The following HOOK2 variants were observed in gnomAD, a reference collection of about 807,000 sequenced individuals.
HOOK2 encodes hook microtubule tethering protein 2, also known as protein Hook homolog 2.
A neutral mutation model predicts 111.9 loss-of-function variants in HOOK2; 108 were observed. The observed-to-expected ratio is 0.96, with a 90% CI of 0.83 to 1.13. HOOK2 has a LOEUF of 1.13. Ranked by LOEUF, HOOK2 falls within the 50% of genes most tolerant of loss-of-function variation. HOOK2 has a pLI of 0.00. For missense variants in HOOK2, 978 were observed against 951.3 expected (o/e 1.03, Z -0.37); for synonymous variants, 405 against 394.3 (o/e 1.03, Z -0.32).
In HOOK2 at chr19:12,772,690, A is replaced by G; in HGVS notation, c.389-10T>C. On this transcript the variant is annotated splice_polypyrimidine_tract_variant and intron_variant, in intron 5 of 22. Coordinates refer to ENST00000397668, the MANE Select transcript of HOOK2 (RefSeq NM_013312.3). ...ATTCTCTGGATGTGGTCTGGGGATC[A>G]AGGTGGGGGAGGCTGAGACCCAGGG... is the stretch of plus-strand genomic sequence containing the variant. 1.2e-6 allele frequency: 2 copies of G among 1,614,174 alleles called. No individual in the cohort carries two copies. Among genetic ancestry groups the G allele is most frequent in the Non-Finnish European group, 1.7e-6 (2 of 1,179,980 alleles).
At chr19:12,775,329 T>C in intron 1 of HOOK2, 76 bp downstream of exon 1, 2 of 1,566,578 alleles carry the variant, frequency 1.3e-6, no homozygotes, top group Non-Finnish European at 1.7e-6. Flanking sequence ...ACCAAGAGAC[T>C]GACCGAACCA....
At chr19:12,778,421 GGGTGGAGAGGAT>G (rs1968564861), upstream of HOOK2, 1 of 152,274 alleles carries the variant, frequency 6.6e-6, no homozygotes, top group Non-Finnish European at 1.5e-5. Flanking sequence ...CCCTGGGAGC[GGGTGGAGAGGAT>G]AGTGGGGGAA....
In HOOK2 at chr19:12,768,030, C is replaced by G. The variant is rs1369269105; in HGVS notation, c.1198G>C (p.Val400Leu). The G allele has an allele frequency of 1.9e-6, 3 of 1,614,092 alleles. No individual in the cohort carries two copies. In the African/African-American group the frequency reaches 4.0e-5, roughly 22 times the overall value. ...AGCCTCACCTCCTTCTCCTTTGTCA[C>G]CGACTCATACTTTTCCTCCAGGTTG... ...CRNLEEKYES[V>L]TKEKERLLAE... The change falls in exon 12 of 23, where the codon GTG becomes CTG. Residue 400 changes from valine to leucine, a missense_variant. This residue lies in a region of HOOK2 where 388 missense variants were observed against 358.3 expected (regional missense o/e 1.08). Coordinates refer to ENST00000397668, the MANE Select transcript of HOOK2 (RefSeq NM_013312.3).
chr19:12,774,112 T>G (rs2145771695), intron 3 of HOOK2: 2 of 155,384 alleles, frequency 1.3e-5, no homozygotes, highest in Admixed American at 6.3e-5. Flanking sequence ...TTTTCTTTTT[T>G]TCTTCTTCTT....
chr19:12,768,587 C>G (rs909442969), intron 11 of HOOK2, among the ~76,000 whole-genome samples: 2 of 152,164 alleles, frequency 1.3e-5, no homozygotes, highest in African/African-American at 4.8e-5. Flanking sequence ...GGCTGTGATG[C>G]TCAGTAGGTA....
At chr19:12,780,994 A>C (rs1404072391), upstream of HOOK2, among the ~76,000 whole-genome samples, 1 of 131,908 alleles carries the variant, frequency 7.6e-6, no homozygotes, top group Non-Finnish European at 1.6e-5. Context: ...TAATAATAAT[A>C]ATAAATATAA....
intron 3 of HOOK2, 31 bp from the exon 4 acceptor site, chr19:12,773,075 T>G: frequency 6.2e-7 from 1 of 1,608,722 alleles, no homozygotes; most frequent in South Asian, 1.1e-5. Context: ...GTGGACAAGT[T>G]CAGAGGCCTC....
In HOOK2 at chr19:12,766,186, C is replaced by A. The variant is rs529254370; in HGVS notation, c.1428G>T (p.Ala476=). The change falls in exon 15 of 23, where the codon GCG becomes GCT. Residue 476 remains alanine (A), a synonymous_variant. Coordinates refer to ENST00000397668, the MANE Select transcript of HOOK2 (RefSeq NM_013312.3). ...LENKRLCRQE[A]ADRERQEELQ... ...GCTCCTCCTGCCGCTCCCGGTCGGCCGCCTCCTGCCTGCACAGCCGCTTGT... is the reference window on the plus strand; with the variant it reads ...GCTCCTCCTGCCGCTCCCGGTCGGCAGCCTCCTGCCTGCACAGCCGCTTGT... 29 of 1,596,704 alleles carry A rather than the reference C, an allele frequency of 1.8e-5. No homozygotes were observed. In the South Asian group the frequency reaches 2.6e-4, roughly 15 times the overall value.
chr19:12,766,266 G>A (rs1267844089), intron 14 of HOOK2, 26 bp from the exon 15 acceptor site: 6 of 1,521,978 alleles, frequency 3.9e-6, no homozygotes. Flanking sequence ...GAGAGAGCAG[G>A]GCCAGGGTCG....
rs1411008055 is a variant in HOOK2, at chr19:12,768,062, T to A, written c.1166A>T (p.Glu389Val). ...EAMKAEKWLFECRNLEEKYES... is the reference protein window; with the variant it reads ...EAMKAEKWLFVCRNLEEKYES... Reference sequence around the variant, plus strand: ...ATACTTTTCCTCCAGGTTGCGGCATTCAAATAGCCATTTCTCGGCCTTCAT... The same window carrying A: ...ATACTTTTCCTCCAGGTTGCGGCATACAAATAGCCATTTCTCGGCCTTCAT... Residue 389 changes from glutamate to valine, a missense_variant, in exon 12 of 23, where the codon GAA becomes GTA. Glu to Val is a moderately radical substitution (Grantham distance 121). This residue lies in a region of HOOK2 where 388 missense variants were observed against 358.3 expected (regional missense o/e 1.08). Transcript: ENST00000397668. 2 of 1,614,242 alleles carry A rather than the reference T, an allele frequency of 1.2e-6. No individual in the cohort carries two copies. The highest frequency in any genetic ancestry group is 1.7e-6 in the Non-Finnish European group (2 of 1,180,032).
At position 12,763,696 on chromosome 19, in the gene HOOK2, T is replaced by G; in HGVS notation, c.1910A>C (p.Glu637Ala). The change falls in exon 21 of 23, where the codon GAA (glutamate) becomes GCA (alanine). Residue 637 changes from glutamate (E) to alanine (A), a missense_variant. By Grantham distance (107) the Glu-to-Ala change is moderately radical. Coordinates refer to ENST00000397668, the MANE Select transcript of HOOK2 (RefSeq NM_013312.3). ...ELHSLRTQLR[E>A]RDVRIRHLEM... The stretch of plus-strand genomic sequence containing the variant: ...CAGGTGTCGGATGCGGACATCCCGT[T>G]CTCGGAGCTGTGTCCTCAGGGAATG... The G allele has an allele frequency of 1.2e-6, 2 of 1,614,210 alleles. No homozygotes were observed. Among genetic ancestry groups the G allele is most frequent in the Non-Finnish European group, 8.5e-7 (1 of 1,180,024 alleles).
At position 12,766,244 on chromosome 19, in the gene HOOK2, C is replaced by CA. The variant is rs1185180939; in HGVS notation, c.1374-5dup. 1 of 1,569,258 alleles carries CA rather than the reference C, an allele frequency of 6.4e-7. No homozygotes were observed. The highest frequency in any genetic ancestry group is 1.3e-5 in the African/African-American group (1 of 74,220). On this transcript the variant is annotated splice_polypyrimidine_tract_variant and splice_region_variant and intron_variant, in intron 14 of 22. Transcript: ENST00000397668. ...CTGAAGCCGCAGGAGCGTCTCCCTG[C>CA]AGACCCGGGAGGAGAGAGCAGGGCC...
At chr19:12,767,587 C>T in intron 13 of HOOK2, 123 bp from the exon 14 acceptor site, 2 of 946,306 alleles carry the variant, frequency 2.1e-6, no homozygotes, top group South Asian at 1.5e-5. Context: ...TTGACACAAG[C>T]TCCATCCCCG....
rs58377920 is a variant in HOOK2, at chr19:12,789,195, A to AAG, written n.42-14972_42-14971dup. On this transcript the variant is annotated intron_variant and non_coding_transcript_variant, in intron 3 of 3. Transcript: ENST00000589765. ...AAGCTGAGAGAGAGAGAGAGAGACA[A>AAG]AGAGAGAGAGAGAGAGACAGAGACA... Among the ~76,000 whole-genome samples, 32 of 149,884 alleles carry AAG rather than the reference A, an allele frequency of 2.1e-4. 1 individual carries two copies. The highest frequency in any genetic ancestry group is 3.4e-3 in the Middle Eastern group (1 of 292).
At chr19:12,774,440 T>C (rs563229783) in intron 3 of HOOK2, 1 of 601,612 alleles carries the variant, frequency 1.7e-6, no homozygotes, top group Non-Finnish European at 3.0e-6. Flanking sequence ...TATGTGTTGC[T>C]TGTCACTAGA....
intron 3 of HOOK2, among the ~76,000 whole-genome samples, chr19:12,783,576 T>C (rs1218115545): frequency 2.0e-5 from 3 of 151,656 alleles, no homozygotes; most frequent in African/African-American, 7.3e-5. Flanking sequence ...GAGGGGAGGA[T>C]GGCGCTTGGT....
intron 6 of HOOK2, 22 bp downstream of exon 6, chr19:12,772,591 C>CA: frequency 1.2e-6 from 2 of 1,612,656 alleles, no homozygotes; most frequent in Non-Finnish European, 1.7e-6. Flanking sequence ...TTTCCAATTG[C>CA]ACACTGAGTG....
upstream of HOOK2, chr19:12,775,678 G>C (rs966682845): frequency 2.5e-5 from 10 of 404,064 alleles, no homozygotes; most frequent in Non-Finnish European, 3.7e-5. Flanking sequence ...TCTTGGATCC[G>C]GGCACCGTTC....
chr19:12,763,676 G>A lies in HOOK2; in HGVS notation c.1930C>T (p.His644Tyr). The A allele has an allele frequency of 6.2e-7, 1 of 1,614,192 alleles. No individual in the cohort carries two copies. Among genetic ancestry groups the A allele is most frequent in the East Asian group, 2.2e-5 (1 of 44,888 alleles). Residue 644 changes from histidine to tyrosine, a missense_variant, in exon 21 of 23, where the codon CAC becomes TAC. His to Tyr is a moderately conservative substitution (Grantham distance 83). This residue lies in a region of HOOK2 where 277 missense variants were observed against 265.8 expected (regional missense o/e 1.04). Coordinates refer to ENST00000397668, the MANE Select transcript of HOOK2 (RefSeq NM_013312.3). ...GGGACGAGGACACCCACCTCCAGGT[G>A]TCGGATGCGGACATCCCGTTCTCGG... is the stretch of plus-strand genomic sequence containing the variant. Reference protein sequence around the residue: ...QLRERDVRIRHLEMDFEKSRS... With the variant: ...QLRERDVRIRYLEMDFEKSRS...
Sources: gnomAD v4.1 joint callset for allele counts (sites outside exome capture counted in the v4.1 genomes callset) on GRCh38, gnomAD v4.1.1 for gene constraint, gnomAD v4.1.1 regional missense constraint, MANE v1.5 for transcripts, NCBI Gene and HGNC (gene_info 2026-07-23, HGNC 2026-07-21) for gene names.